The following LRBA variants were observed in gnomAD, a reference collection of about 807,000 sequenced individuals.
LRBA encodes lipopolysaccharide-responsive and beige-like anchor protein.
LRBA carries 176 observed loss-of-function variants against 330.0 expected under a neutral mutation model. That is an observed-to-expected ratio of 0.53 (90% CI 0.47 to 0.60). The LOEUF (loss-of-function observed/expected upper bound fraction) is 0.60, where lower values mean the gene tolerates loss of function less well. Among genes scored for constraint, LRBA ranks in the 20% least tolerant of loss-of-function variants. LRBA has a pLI of 0.00. For missense variants in LRBA, 3,259 were observed against 3,444.8 expected, an observed-to-expected ratio of 0.95 and a Z score of 1.35; for synonymous variants, 1,230 against 1,193.0, an observed-to-expected ratio of 1.03 and a Z score of -0.64.
At chr4:150,287,626 C>T (rs999784) in intron 53 of LRBA, among the ~76,000 whole-genome samples, 94,265 of 152,050 alleles carry the variant, frequency 0.62, 29,938 homozygotes, top group South Asian at 0.82. Flanking sequence ...TGTAGGTAAT[C>T]CTGAGTGAGA....
chr4:150,378,567 A>G (rs2151882920), intron 47 of LRBA, among the ~76,000 whole-genome samples: 2 of 152,356 alleles, frequency 1.3e-5, no homozygotes, highest in East Asian at 3.9e-4. Context: ...TCAGGATGTA[A>G]AATGCTGGGA....
chr4:150,801,940 G>A (rs1447607281), intron 33 of LRBA, among the ~76,000 whole-genome samples: 2 of 151,834 alleles, frequency 1.3e-5, no homozygotes, highest in Admixed American at 6.6e-5. Context: ...GGAGGCCAAG[G>A]CGGGTGGATC....
Position 151,014,618 on chromosome 4 carries a change from G to T in LRBA, c.25C>A (p.Pro9Thr), listed in dbSNP as rs1465852898. Residue 9 changes from proline (P) to threonine (T), a missense_variant, in exon 2 of 57, where the codon CCT (proline) becomes ACT (threonine). Coordinates refer to ENST00000651943, the MANE Select transcript of LRBA (RefSeq NM_001364905.1). MASEDNRV[P>T]SPPPTGDDGG... is the part of the protein sequence containing the mutation. The stretch of plus-strand genomic sequence containing the variant: ...TCATCACCTGTTGGTGGCGGGGAAG[G>T]GACACGATTGTCTTCGCTAGCCATT... 1.9e-6 allele frequency: 3 copies of T among 1,605,654 alleles called. No homozygotes were observed. Among genetic ancestry groups the T allele is most frequent in the Non-Finnish European group, 2.6e-6 (3 of 1,175,648 alleles).
At position 150,916,695 on chromosome 4, in the gene LRBA, C is replaced by A; in HGVS notation, c.689G>T (p.Gly230Val). The change falls in exon 6 of 57, where the codon GGT (glycine) becomes GTT (valine). Residue 230 changes from glycine (G) to valine (V), a missense_variant. Physicochemically the swap from Gly to Val is moderately radical, Grantham distance 109 (BLOSUM62 -3). Transcript: ENST00000651943. ...TCTAAGCCATGTATGAAATGTAAAA[C>A]CATTCTGGTATGGCCATTTGGCTAT... ...PPIAKWPYQN[G>V]FTFHTWLRMD... The A allele has an allele frequency of 1.3e-6, 2 of 1,597,516 alleles. No individual in the cohort carries two copies. The highest frequency in any genetic ancestry group is 8.5e-7 in the Non-Finnish European group (1 of 1,174,554).
intron 5 of LRBA, among the ~76,000 whole-genome samples, chr4:150,920,750 TA>T (rs1733164305): frequency 6.6e-6 from 1 of 151,918 alleles, no homozygotes; most frequent in African/African-American, 2.4e-5. Context: ...GAGACCAACA[TA>T]ATTTGGAAAC....
At chr4:150,757,465 A>G (rs758542124) in intron 35 of LRBA, among the ~76,000 whole-genome samples, 1 of 152,218 alleles carries the variant, frequency 6.6e-6, no homozygotes, top group Non-Finnish European at 1.5e-5. Context: ...CAAATACGAC[A>G]TTAATCAAGG....
intron 47 of LRBA, among the ~76,000 whole-genome samples, chr4:150,394,450 C>A (rs1386326555): frequency 6.6e-6 from 1 of 152,134 alleles, no homozygotes; most frequent in Admixed American, 6.6e-5. Flanking sequence ...AATAAATATT[C>A]ACTGAAAGTT....
chr4:150,530,318 T>G (rs1485899667), intron 40 of LRBA, among the ~76,000 whole-genome samples: 1 of 152,154 alleles, frequency 6.6e-6, no homozygotes, highest in Non-Finnish European at 1.5e-5. Flanking sequence ...ATAGAAAATC[T>G]GAACTTAGAG....
intron 47 of LRBA, among the ~76,000 whole-genome samples, chr4:150,375,968 TG>T: frequency 6.6e-6 from 1 of 152,192 alleles, no homozygotes; most frequent in East Asian, 1.9e-4. Context: ...TCTCTAACAC[TG>T]ATCTCTCCCC....
chr4:150,510,958 C>T (rs1048006921), intron 40 of LRBA, among the ~76,000 whole-genome samples: 17 of 152,226 alleles, frequency 1.1e-4, no homozygotes, highest in Admixed American at 7.2e-4. Context: ...CGGGTTCAAG[C>T]GATTCTCCTG....
intron 47 of LRBA, among the ~76,000 whole-genome samples, chr4:150,361,653 C>A (rs892824240): frequency 6.6e-6 from 1 of 152,176 alleles, no homozygotes; most frequent in African/African-American, 2.4e-5. Context: ...AAGATTCAGT[C>A]CCAGGCCCTC....
At chr4:150,551,744 G>C (rs1766623424) in intron 40 of LRBA, among the ~76,000 whole-genome samples, 1 of 152,012 alleles carries the variant, frequency 6.6e-6, no homozygotes, top group African/African-American at 2.4e-5. Flanking sequence ...TTATACATGA[G>C]AGAGCCATTT....
At chr4:150,621,934 G>A (rs959666704) in intron 37 of LRBA, among the ~76,000 whole-genome samples, 9 of 152,182 alleles carry the variant, frequency 5.9e-5, no homozygotes, top group Admixed American at 1.3e-4. Flanking sequence ...TCCCTACATG[G>A]AAACCAAAAC....
chr4:150,565,533 CTA>C (rs1276085590), intron 40 of LRBA, among the ~76,000 whole-genome samples: 1 of 151,936 alleles, frequency 6.6e-6, no homozygotes, highest in Non-Finnish European at 1.5e-5. Flanking sequence ...AAAATAAAAT[CTA>C]TGTTTTATAT....
intron 7 of LRBA, 85 bp downstream of exon 7, chr4:150,916,315 GT>G: frequency 7.5e-7 from 1 of 1,340,710 alleles, no homozygotes; most frequent in Non-Finnish European, 1.0e-6. Context: ...GCTTTAGCAT[GT>G]TATTATATGA....
chr4:150,322,993 C>G (rs151203173), intron 49 of LRBA, among the ~76,000 whole-genome samples: 6 of 23,086 alleles, frequency 2.6e-4, no homozygotes, highest in South Asian at 6.0e-4. Flanking sequence ...TTGTGTGTGT[C>G]TCTGTGTGTG....
intron 2 of LRBA, among the ~76,000 whole-genome samples, chr4:150,967,116 C>G (rs1348254465): frequency 1.3e-5 from 2 of 152,148 alleles, no homozygotes; most frequent in African/African-American, 2.4e-5. Flanking sequence ...ACCATTAACA[C>G]ATTAAGGACA....
At chr4:150,711,706 A>G (rs1231833907) in intron 36 of LRBA, among the ~76,000 whole-genome samples, 1 of 152,228 alleles carries the variant, frequency 6.6e-6, no homozygotes, top group Non-Finnish European at 1.5e-5. Context: ...AAACCCATCA[A>G]TAACTATAAA....
intron 36 of LRBA, among the ~76,000 whole-genome samples, chr4:150,725,693 T>G (rs1400274820): frequency 6.6e-6 from 1 of 152,170 alleles, no homozygotes; most frequent in Non-Finnish European, 1.5e-5. Context: ...CACAGGATAG[T>G]ATTACATTGT....
Sources: gnomAD v4.1 joint callset for allele counts (sites outside exome capture counted in the v4.1 genomes callset) on GRCh38, gnomAD v4.1.1 for gene constraint, MANE v1.5 for transcripts, NCBI Gene and HGNC (gene_info 2026-07-23, HGNC 2026-07-21) for gene names.